Variants in LHFPL6 observed in about 807,000 individuals in gnomAD.
LHFPL6 encodes LHFPL tetraspan subfamily member 6 protein.
In LHFPL6, 9 loss-of-function variants were observed where a neutral mutation model predicts 20.6. The observed-to-expected ratio is 0.44, with a 90% CI of 0.26 to 0.76. The LOEUF (loss-of-function observed/expected upper bound fraction) is 0.76. Ranked by LOEUF, LHFPL6 falls within the 30% of genes least tolerant of loss-of-function variation. The pLI is 0.20. For missense variants in LHFPL6, 218 were observed against 253.5 expected, an observed-to-expected ratio of 0.86 and a Z score of 0.95; for synonymous variants, 105 against 98.7, an observed-to-expected ratio of 1.06 and a Z score of -0.38.
intron 2 of LHFPL6, among the ~76,000 whole-genome samples, chr13:39,594,559 C>T (rs972330856): frequency 8.5e-5 from 13 of 152,278 alleles, no homozygotes; most frequent in African/African-American, 2.4e-4. Context: ...GTCGGTGTGG[C>T]GATTCCTCAG....
intron 2 of LHFPL6, among the ~76,000 whole-genome samples, chr13:39,493,565 T>G (rs1326569247): frequency 6.6e-6 from 1 of 152,170 alleles, no homozygotes; most frequent in Non-Finnish European, 1.5e-5. Flanking sequence ...ATCACCACTT[T>G]TTAAGACAAA....
chr13:39,359,065 G>A (rs1007448363), intron 3 of LHFPL6, among the ~76,000 whole-genome samples: 8 of 152,078 alleles, frequency 5.3e-5, no homozygotes, highest in Middle Eastern at 3.2e-3. Context: ...GGGAGGCTGA[G>A]GCAGGAGAAT....
At chr13:39,531,859 A>G (rs1870477430) in intron 2 of LHFPL6, among the ~76,000 whole-genome samples, 1 of 152,150 alleles carries the variant, frequency 6.6e-6, no homozygotes, top group Admixed American at 6.5e-5. Context: ...CATGGGGGAA[A>G]AGGTCACGTG....
At chr13:39,502,063 T>C (rs1211141872) in intron 2 of LHFPL6, among the ~76,000 whole-genome samples, 1 of 152,188 alleles carries the variant, frequency 6.6e-6, no homozygotes, top group Admixed American at 6.5e-5. Context: ...TATCACTTGT[T>C]CTGATTCTGA....
At chr13:39,434,827 C>A (rs910150687) in intron 2 of LHFPL6, among the ~76,000 whole-genome samples, 2 of 151,922 alleles carry the variant, frequency 1.3e-5, no homozygotes, top group Non-Finnish European at 2.9e-5. Flanking sequence ...GAGGCCGAGG[C>A]GGGTGGATCA....
chr13:39,482,442 T>A (rs375900753), intron 2 of LHFPL6, among the ~76,000 whole-genome samples: 1 of 147,232 alleles, frequency 6.8e-6, no homozygotes, highest in Admixed American at 6.7e-5. Context: ...GACCTTATCT[T>A]AAAAAAAAAA....
At chr13:39,450,783 G>A (rs1872422785) in intron 2 of LHFPL6, among the ~76,000 whole-genome samples, 1 of 152,008 alleles carries the variant, frequency 6.6e-6, no homozygotes, top group African/African-American at 2.4e-5. Flanking sequence ...TGTTATTATG[G>A]GCCATTTTGT....
At chr13:39,516,860 T>A (rs1570415) in intron 2 of LHFPL6, among the ~76,000 whole-genome samples, 152,384 of 152,386 alleles carry the variant, frequency 1, 76,191 homozygotes, top group Non-Finnish European at 1. Context: ...GTGCCAACAG[T>A]GGAGGGAGTC....
At chr13:39,438,102 T>G (rs1361808110) in intron 2 of LHFPL6, among the ~76,000 whole-genome samples, 2 of 152,102 alleles carry the variant, frequency 1.3e-5, no homozygotes, top group African/African-American at 4.8e-5. Flanking sequence ...ATTCTGATAG[T>G]GATATAGACA....
intron 2 of LHFPL6, among the ~76,000 whole-genome samples, chr13:39,397,698 T>C (rs1593297536): frequency 1.3e-5 from 2 of 152,208 alleles, no homozygotes; most frequent in Admixed American, 1.3e-4. Context: ...AATGTTTGTA[T>C]TTCCATATAA....
intron 2 of LHFPL6, among the ~76,000 whole-genome samples, chr13:39,566,506 T>C (rs1871718748): frequency 6.6e-6 from 1 of 151,916 alleles, no homozygotes; most frequent in Non-Finnish European, 1.5e-5. Context: ...TCTGGGAGGC[T>C]GAGACAGGTG....
chr13:39,444,573 C>T (rs1872234754), intron 2 of LHFPL6, among the ~76,000 whole-genome samples: 2 of 152,196 alleles, frequency 1.3e-5, no homozygotes, highest in South Asian at 2.1e-4. Context: ...TCCTGGAATT[C>T]TGGTACAGCA....
intron 2 of LHFPL6, among the ~76,000 whole-genome samples, chr13:39,534,365 T>C (rs1245207631): frequency 6.6e-6 from 1 of 152,172 alleles, no homozygotes; most frequent in Non-Finnish European, 1.5e-5. Flanking sequence ...TACCTAGCAA[T>C]GGCAGTTTTC....
chr13:39,429,420 C>G (rs887049548), intron 2 of LHFPL6, among the ~76,000 whole-genome samples: 2 of 152,268 alleles, frequency 1.3e-5, no homozygotes, highest in East Asian at 3.9e-4. Flanking sequence ...AATATAGCCA[C>G]TCCAGCCTTC....
At chr13:39,402,461 C>G (rs1871017669) in intron 2 of LHFPL6, among the ~76,000 whole-genome samples, 1 of 152,148 alleles carries the variant, frequency 6.6e-6, no homozygotes, top group African/African-American at 2.4e-5. Flanking sequence ...AACTCCTGGC[C>G]TGAAGTGATC....
intron 2 of LHFPL6, among the ~76,000 whole-genome samples, chr13:39,485,717 G>C (rs531900530): frequency 6.6e-6 from 1 of 152,250 alleles, no homozygotes; most frequent in African/African-American, 2.4e-5. Context: ...AATCAGGGTG[G>C]AACTAAAGGA....
intron 2 of LHFPL6, among the ~76,000 whole-genome samples, chr13:39,578,092 A>G (rs570511674): frequency 6.6e-6 from 1 of 152,336 alleles, no homozygotes; most frequent in African/African-American, 2.4e-5. Context: ...AAGTGTTCTC[A>G]GTGCATTCAC....
At position 39,387,580 on chromosome 13, in the gene LHFPL6, C is replaced by G. The variant is rs541778106; in HGVS notation, c.386-9054G>C. On this transcript the variant is annotated intron_variant, in intron 2 of 3. Coordinates refer to ENST00000379589, the MANE Select transcript of LHFPL6 (RefSeq NM_005780.3). ...AAAAAAAAAAAAAAAAAGAATATATCATTACCCCTGTTTAATAGGTGAAGG... is the reference window on the plus strand; with the variant it reads ...AAAAAAAAAAAAAAAAAGAATATATGATTACCCCTGTTTAATAGGTGAAGG... Among the ~76,000 whole-genome samples, 203 of 143,336 alleles carry G rather than the reference C, an allele frequency of 1.4e-3. 3 individuals carry two copies. The South Asian group carries it at 0.029, about 21-fold the overall frequency. 94.0% of individuals were successfully genotyped at this position (143,336 alleles called of 152,430 possible).
At chr13:39,489,443 C>T (rs1868837787) in intron 2 of LHFPL6, among the ~76,000 whole-genome samples, 1 of 152,126 alleles carries the variant, frequency 6.6e-6, no homozygotes, top group Admixed American at 6.5e-5. Context: ...GATCATCTCT[C>T]AGCTCCTTCT....
Sources: gnomAD v4.1 joint callset for allele counts (sites outside exome capture counted in the v4.1 genomes callset) on GRCh38, gnomAD v4.1.1 for gene constraint, MANE v1.5 for transcripts, NCBI Gene and HGNC (gene_info 2026-07-23, HGNC 2026-07-21) for gene names.